MITF: variants seen among roughly 807,000 people sequenced by gnomAD.
MITF encodes the protein microphthalmia-associated transcription factor.
A neutral mutation model predicts 60.5 loss-of-function variants in MITF; 17 were observed. The observed-to-expected ratio is 0.28, with a 90% CI of 0.19 to 0.42. The LOEUF (loss-of-function observed/expected upper bound fraction) is 0.42. Ranked by LOEUF, MITF falls within the 10% of genes least tolerant of loss-of-function variation. MITF has a pLI of 1.00. For synonymous variants in MITF, 260 were observed against 248.5 expected (o/e 1.05, Z -0.43); for missense variants, 622 against 683.5 (o/e 0.91, Z 1.00).
chr3:69,788,186 C>A (rs928709669), intron 1 of MITF, among the ~76,000 whole-genome samples: 2 of 149,810 alleles, frequency 1.3e-5, no homozygotes, highest in Admixed American at 1.3e-4. Context: ...GCACAATATG[C>A]AGGTTTGTTA....
chr3:69,786,162 G>C (rs1466883716), intron 1 of MITF, among the ~76,000 whole-genome samples: 2 of 152,182 alleles, frequency 1.3e-5, no homozygotes, highest in African/African-American at 4.8e-5. Context: ...AAGGAGGTTT[G>C]ACTCCTAGAG....
At chr3:69,777,273 A>G (rs981602792) in intron 1 of MITF, among the ~76,000 whole-genome samples, 2 of 152,244 alleles carry the variant, frequency 1.3e-5, no homozygotes, top group Non-Finnish European at 2.9e-5. Flanking sequence ...AAGTTTTGAC[A>G]TGGTCTAAAT....
chr3:69,841,391 G>C (rs1644222794), intron 1 of MITF, among the ~76,000 whole-genome samples: 1 of 152,186 alleles, frequency 6.6e-6, no homozygotes, highest in Non-Finnish European at 1.5e-5. Flanking sequence ...AAAGGTGATA[G>C]ATAAAAAGTG....
chr3:69,768,721 A>G (rs956953087), intron 1 of MITF, among the ~76,000 whole-genome samples: 2 of 152,222 alleles, frequency 1.3e-5, no homozygotes, highest in Non-Finnish European at 1.5e-5. Flanking sequence ...AAATGGCAGT[A>G]ACAACAAATT....
chr3:69,774,618 T>A (rs139460541), intron 1 of MITF, among the ~76,000 whole-genome samples: 4 of 152,282 alleles, frequency 2.6e-5, no homozygotes, highest in Non-Finnish European at 5.9e-5. Context: ...CTAGGAGTAT[T>A]CTAAGTTTCC....
intron 1 of MITF, among the ~76,000 whole-genome samples, chr3:69,848,915 A>C (rs1056363789): frequency 6.6e-6 from 1 of 150,606 alleles, no homozygotes; most frequent in East Asian, 2.0e-4. Context: ...GGAATTTGAG[A>C]GATAGCTTTT....
intron 1 of MITF, among the ~76,000 whole-genome samples, chr3:69,772,795 A>G (rs972039455): frequency 3.9e-5 from 6 of 152,126 alleles, no homozygotes; most frequent in East Asian, 1.9e-4. Flanking sequence ...CTTGAACTCT[A>G]TCCATCAATC....
At chr3:69,923,494 A>G (rs912868021) in intron 2 of MITF, among the ~76,000 whole-genome samples, 3 of 151,992 alleles carry the variant, frequency 2.0e-5, no homozygotes, top group Non-Finnish European at 4.4e-5. Context: ...GCAGGCACAC[A>G]CCACCACACC....
chr3:69,870,723 A>G (rs1421989466), intron 1 of MITF, among the ~76,000 whole-genome samples: 3 of 152,088 alleles, frequency 2.0e-5, no homozygotes, highest in Non-Finnish European at 4.4e-5. Context: ...GGTGTCTAAC[A>G]TTTCAGAGTG....
At chr3:69,904,914 C>T (rs941885190) in intron 2 of MITF, among the ~76,000 whole-genome samples, 5 of 152,176 alleles carry the variant, frequency 3.3e-5, no homozygotes, top group African/African-American at 9.6e-5. Flanking sequence ...GAGATGTTAG[C>T]GCAACCCATT....
At chr3:69,956,327 GA>G (rs2066396503) in intron 7 of MITF, 127 bp from the exon 8 acceptor site, 1 of 753,208 alleles carries the variant, frequency 1.3e-6, no homozygotes. Context: ...TAAAAATAGG[GA>G]AAAAGTAGGT....
chr3:69,752,860 G>A (rs1417153651), intron 1 of MITF, among the ~76,000 whole-genome samples: 1 of 152,184 alleles, frequency 6.6e-6, no homozygotes. Flanking sequence ...CACCACGTGA[G>A]ATGCCTCACT....
chr3:69,916,763 C>T (rs954654738), intron 2 of MITF, among the ~76,000 whole-genome samples: 6 of 152,062 alleles, frequency 3.9e-5, no homozygotes, highest in African/African-American at 9.7e-5. Flanking sequence ...TAAAAAGTTT[C>T]GATTTCATCA....
intron 1 of MITF, among the ~76,000 whole-genome samples, chr3:69,810,047 CTCTT>C (rs2063075904): frequency 6.6e-6 from 1 of 152,116 alleles, no homozygotes; most frequent in Non-Finnish European, 1.5e-5. Flanking sequence ...CACCTACTGG[CTCTT>C]TCTTTTTCAG....
At chr3:69,948,410 T>A (rs945836238) in intron 5 of MITF, among the ~76,000 whole-genome samples, 23 of 152,112 alleles carry the variant, frequency 1.5e-4, no homozygotes, top group South Asian at 6.2e-4. Context: ...ACTTTTTTTT[T>A]TTATTATTAT....
intron 1 of MITF, among the ~76,000 whole-genome samples, chr3:69,860,266 A>G: frequency 6.6e-6 from 1 of 152,314 alleles, no homozygotes; most frequent in East Asian, 1.9e-4. Context: ...TATTATATTA[A>G]AGAGTCATGC....
At chr3:69,822,351 T>C (rs2107054698) in intron 1 of MITF, among the ~76,000 whole-genome samples, 1 of 152,356 alleles carries the variant, frequency 6.6e-6, no homozygotes, top group South Asian at 2.1e-4. Context: ...GTTTAGAATG[T>C]GCTTGCTGTG....
At position 69,811,142 on chromosome 3, in the gene MITF, A is replaced by C. The variant is rs183486133; in HGVS notation, c.105-67992A>C. Among the ~76,000 whole-genome samples, 568 of 152,244 alleles carry C rather than the reference A, an allele frequency of 3.7e-3. 3 individuals carry two copies. Among genetic ancestry groups the C allele is most frequent in the South Asian group, 0.012 (59 of 4,822 alleles). ...CAGCGTTGGGAAGCTTCTCTCAGAG[A>C]TTCTGATGGTGGTCTAAGGTGGGCA... is the stretch of plus-strand genomic sequence containing the variant. On this transcript the variant is annotated intron_variant, in intron 1 of 9. Coordinates refer to ENST00000352241, the MANE Select transcript of MITF (RefSeq NM_001354604.2).
chr3:69,833,819 T>C (rs1366186219), intron 1 of MITF, among the ~76,000 whole-genome samples: 2 of 152,262 alleles, frequency 1.3e-5, no homozygotes, highest in Non-Finnish European at 2.9e-5. Flanking sequence ...GTTGCTTCCC[T>C]ATTTATACTG....
Sources: allele counts gnomAD v4.1 joint callset (sites outside exome capture counted in the v4.1 genomes callset), GRCh38; gene constraint gnomAD v4.1.1; transcripts MANE v1.5; gene names NCBI Gene and HGNC (gene_info 2026-07-23, HGNC 2026-07-21).